The following CKM variants were observed in gnomAD, a reference collection of about 807,000 sequenced individuals.
CKM encodes the protein creatine kinase, M-type, also known as creatine kinase M-type.
CKM carries 28 observed loss-of-function variants against 35.4 expected under a neutral mutation model. The observed-to-expected ratio is 0.79, with a 90% confidence interval of 0.59 to 1.08. CKM has a LOEUF of 1.08. Ranked by LOEUF, CKM falls within the 50% of genes least tolerant of loss-of-function variation. CKM has a pLI of 0.00. For synonymous variants in CKM, 215 were observed against 204.4 expected, an observed-to-expected ratio of 1.05 and a Z score of -0.44; for missense variants, 484 against 509.8, an observed-to-expected ratio of 0.95 and a Z score of 0.49.
At chr19:45,310,071 C>T (rs1459303684) in intron 5 of CKM, among the ~76,000 whole-genome samples, 2 of 147,424 alleles carry the variant, frequency 1.4e-5, no homozygotes, top group Non-Finnish European at 3.0e-5. Flanking sequence ...AAAGATAAGA[C>T]GAATAACCAA....
intron 4 of CKM, among the ~76,000 whole-genome samples, chr19:45,312,290 AT>A (rs1309765322): frequency 6.6e-6 from 1 of 152,228 alleles, no homozygotes; most frequent in Non-Finnish European, 1.5e-5. Flanking sequence ...AGTAAAAATT[AT>A]TATAAAGTAG....
chr19:45,312,145 A>G (rs1263277450), intron 4 of CKM, among the ~76,000 whole-genome samples: 3 of 152,358 alleles, frequency 2.0e-5, no homozygotes, highest in South Asian at 2.1e-4. Flanking sequence ...CATGTGCTCA[A>G]TCTGGAAAAC....
At chr19:45,314,517 G>A (rs528217692) in intron 4 of CKM, among the ~76,000 whole-genome samples, 3 of 152,056 alleles carry the variant, frequency 2.0e-5, no homozygotes, top group East Asian at 3.9e-4. Context: ...AGGTTCAAGC[G>A]ATTCTCCTGC....
Position 45,306,705 on chromosome 19 carries a change from T to C in CKM, c.*45A>G. 6.2e-6 allele frequency: 10 copies of C among 1,606,720 alleles called. No homozygotes were observed. Among genetic ancestry groups the C allele is most frequent in the Non-Finnish European group, 8.5e-6 (10 of 1,174,534 alleles). On this transcript the variant is annotated 3_prime_UTR_variant, in exon 8 of 8. Coordinates refer to ENST00000221476, the MANE Select transcript of CKM (RefSeq NM_001824.5). This position sits in a 1 kb window ranked among gnomAD's most constrained non-coding sequence, Gnocchi z 4.5. ...AGCAGGACTCTGGTGGGCCAGGCCC[T>C]CCCACTGGCTGGGTTCCAGCAGTCG...
Position 45,315,573 on chromosome 19 carries a change from A to G in CKM, c.373T>C (p.Tyr125His). ...GTGCGGACGCGGCTGCTGAGCACGT[A>G]GTTAGGGTCCAGGTCGTCTCCACCC... ...LKGGDDLDPNYVLSSRVRTGR... is the reference protein window; with the variant it reads ...LKGGDDLDPNHVLSSRVRTGR... The change falls in exon 4 of 8, where the codon TAC becomes CAC. Residue 125 changes from tyrosine to histidine, a missense_variant. Tyr to His is a moderately conservative substitution (Grantham distance 83). Transcript: ENST00000221476. 1 of 1,604,500 alleles carries G rather than the reference A, an allele frequency of 6.2e-7. No homozygotes were observed.
In CKM at chr19:45,311,244, G is replaced by GT. The variant is rs57044547; in HGVS notation, c.653+504dup. Among the ~76,000 whole-genome samples, 739 of 144,584 alleles carry GT rather than the reference G, an allele frequency of 5.1e-3. 3 individuals are homozygous for GT. Among genetic ancestry groups the GT allele is most frequent in the Middle Eastern group, 0.019 (5 of 268 alleles). The allele number at this position is 144,584 out of a possible 152,430, so 94.9% of individuals were successfully genotyped here. On this transcript the variant is annotated intron_variant, in intron 5 of 7. Coordinates refer to ENST00000221476, the MANE Select transcript of CKM (RefSeq NM_001824.5). The stretch of plus-strand genomic sequence containing the variant: ...AGTCTAAGTTCTTTCTTTTTTGTTT[G>GT]TTTTTTTTTGAGACAGTCTGGCTCT...
rs867782657 is a variant in CKM at position 45,317,713 on chromosome 19, C to G, written c.348+112G>C. ...CCTCTCTCTTTCCATCTCTCTGCTT[C>G]TCCACACCTCTGTGTCTCTCTCTGT... On this transcript the variant is annotated intron_variant, in intron 3 of 7. Transcript: ENST00000221476. 4 of 1,226,348 alleles carry G rather than the reference C, an allele frequency of 3.3e-6. No homozygotes were observed. The African/African-American group carries it at 6.0e-5, about 18-fold the overall frequency. 76.0% of individuals were successfully genotyped at this position (1,226,348 alleles called of 1,614,324 possible).
chr19:45,320,261 G>A (rs924363539), intron 1 of CKM, among the ~76,000 whole-genome samples: 1 of 151,650 alleles, frequency 6.6e-6, no homozygotes, highest in Non-Finnish European at 1.5e-5. Context: ...TAATTTTTTT[G>A]TATTTTTATT....
intron 1 of CKM, among the ~76,000 whole-genome samples, chr19:45,321,045 C>T (rs571107980): frequency 3.3e-4 from 50 of 150,892 alleles, no homozygotes; most frequent in Non-Finnish European, 5.6e-4. Context: ...CAACTACAGG[C>T]GTGTGCCACA....
At chr19:45,312,245 A>C (rs1971117451) in intron 4 of CKM, among the ~76,000 whole-genome samples, 1 of 152,248 alleles carries the variant, frequency 6.6e-6, no homozygotes, top group African/African-American at 2.4e-5. Context: ...CTGGCAACAC[A>C]GATGGCTGAA....
chr19:45,321,728 G>A (rs1971214947), intron 1 of CKM, among the ~76,000 whole-genome samples: 1 of 152,096 alleles, frequency 6.6e-6, no homozygotes, highest in African/African-American at 2.4e-5. Context: ...CAAGATGCTG[G>A]GATTATGCGT....
chr19:45,315,396 G>A (rs781370560), intron 4 of CKM, 69 bp downstream of exon 4: 236 of 1,558,380 alleles, frequency 1.5e-4, no homozygotes, highest in Non-Finnish European at 2.0e-4. Flanking sequence ...AGAGACCCGA[G>A]GACCTGCCCA....
intron 1 of CKM, among the ~76,000 whole-genome samples, chr19:45,319,935 C>T (rs544112098): frequency 1.6e-4 from 24 of 152,020 alleles, no homozygotes; most frequent in African/African-American, 5.5e-4. Context: ...GGAATACAGG[C>T]GCCCGCCACC....
At chr19:45,315,744 G>A (rs1020951856) in intron 3 of CKM, 147 bp from the exon 4 acceptor site, 14 of 1,032,838 alleles carry the variant, frequency 1.4e-5, no homozygotes, top group African/African-American at 6.3e-5. Flanking sequence ...GCCTCTCCCC[G>A]CCACCCATAC....
intron 5 of CKM, among the ~76,000 whole-genome samples, chr19:45,310,018 G>T (rs371528610): frequency 2.6e-5 from 4 of 151,442 alleles, no homozygotes; most frequent in East Asian, 3.9e-4. Flanking sequence ...CTGAATCAGG[G>T]ATTCAAAGAG....
chr19:45,317,410 C>T (rs1360630658), intron 3 of CKM, among the ~76,000 whole-genome samples: 1 of 152,240 alleles, frequency 6.6e-6, no homozygotes, highest in Non-Finnish European at 1.5e-5. Flanking sequence ...GCCTCAGCCT[C>T]CCACGTAGCT....
Position 45,311,887 on chromosome 19 carries a change from T to G in CKM, c.515A>C (p.Lys172Thr), listed in dbSNP as rs141322657. The part of the protein sequence containing the change: ...LNSLTGEFKG[K>T]YYPLKSMTEK... Reference sequence around the variant, plus strand: ...CGTCATGCTCTTCAGAGGGTAGTACTTCCCTTTGAACTCGCCCGTCAGGCT... The same window carrying G: ...CGTCATGCTCTTCAGAGGGTAGTACGTCCCTTTGAACTCGCCCGTCAGGCT... The change falls in exon 5 of 8, where the codon AAG (lysine) becomes ACG (threonine). Residue 172 changes from lysine to threonine, a missense_variant. Transcript: ENST00000221476. 6.8e-6 allele frequency: 11 copies of G among 1,614,074 alleles called. No individual in the cohort carries two copies. In the African/African-American group the frequency reaches 1.3e-4, roughly 20 times the overall value.
intron 5 of CKM, 73 bp downstream of exon 5, chr19:45,311,676 G>T: frequency 1.5e-6 from 2 of 1,299,126 alleles, no homozygotes; most frequent in East Asian, 2.5e-5. Context: ...TTTGGTGGAG[G>T]AGTGAGGAGG....
chr19:45,309,543 A>G (rs1451759418), intron 5 of CKM, among the ~76,000 whole-genome samples: 58 of 129,718 alleles, frequency 4.5e-4, no homozygotes, highest in Middle Eastern at 0.012. Context: ...GCAACAGAGC[A>G]AGACCCTGTC....
Sources: allele counts gnomAD v4.1 joint callset (sites outside exome capture counted in the v4.1 genomes callset), GRCh38; gene constraint gnomAD v4.1.1; non-coding constraint Gnocchi (gnomAD v3.1); transcripts MANE v1.5; gene names NCBI Gene and HGNC (gene_info 2026-07-23, HGNC 2026-07-21).